INPP4B: variants seen among roughly 807,000 people sequenced by gnomAD.
INPP4B encodes inositol polyphosphate-4-phosphatase type II B, also known as inositol polyphosphate 4-phosphatase type II.
A neutral mutation model predicts 122.5 loss-of-function variants in INPP4B; 55 were observed. The observed-to-expected ratio is 0.45, with a 90% CI of 0.36 to 0.56. INPP4B has a LOEUF of 0.56. Ranked by LOEUF, INPP4B falls within the 20% of genes least tolerant of loss-of-function variation. The probability of loss-of-function intolerance (pLI) is 0.00; values close to 1 mark genes in which losing one functional copy is unlikely to be tolerated. For synonymous variants in INPP4B, 403 were observed against 388.7 expected (o/e 1.04, Z -0.43); for missense variants, 1,000 against 1,097.7 (o/e 0.91, Z 1.26).
At chr4:142,246,403 TG>T (rs1183218274) in intron 11 of INPP4B, among the ~76,000 whole-genome samples, 1 of 152,186 alleles carries the variant, frequency 6.6e-6, no homozygotes, top group East Asian at 1.9e-4. Flanking sequence ...GCCACTTTCA[TG>T]ATATTAATTC....
chr4:142,123,906 A>T (rs1797620721), intron 19 of INPP4B, among the ~76,000 whole-genome samples: 1 of 152,122 alleles, frequency 6.6e-6, no homozygotes, highest in Non-Finnish European at 1.5e-5. Context: ...TGGTTAAAAT[A>T]TTCCCTTTTC....
rs36028457 is a variant in INPP4B at position 142,124,700 on chromosome 4, A to G, written c.1781T>C (p.Val594Ala). ...ILTLKDCMGE[V>A]VNRAKQSLTF... is the part of the protein sequence containing the mutation. ...CAGGGACTGCTTGGCTCGGTTCACC[A>G]CTTCTCCCATGCAGTCCTTCAGGGT... The change falls in exon 19 of 26, where the codon GTG (valine) becomes GCG (alanine). Residue 594 changes from valine to alanine, a missense_variant. Physicochemically the swap from Val to Ala is moderately conservative, Grantham distance 64. Transcript: ENST00000262992. 8,493 of 1,612,052 alleles carry G rather than the reference A, an allele frequency of 5.3e-3. 33 individuals are homozygous for G. Among genetic ancestry groups the G allele is most frequent in the Non-Finnish European group, 5.7e-3 (6,736 of 1,178,664 alleles).
intron 2 of INPP4B, among the ~76,000 whole-genome samples, chr4:142,523,453 C>T (rs1826371126): frequency 6.6e-6 from 1 of 151,984 alleles, no homozygotes; most frequent in Admixed American, 6.6e-5. Context: ...TACTTGCTTT[C>T]AGTTATAGGT....
chr4:142,296,068 G>A lies in INPP4B; in HGVS notation c.503+9390C>T, dbSNP rs578240763. Among the ~76,000 whole-genome samples, 13 of 108,414 alleles carry A rather than the reference G, an allele frequency of 1.2e-4. No homozygotes were observed. The South Asian group carries it at 1.5e-3, about 13-fold the overall frequency. The allele number at this position is 108,414 out of a possible 152,430, so 71.1% of individuals were successfully genotyped here. On this transcript the variant is annotated intron_variant, in intron 9 of 25. Coordinates refer to ENST00000262992, the MANE Select transcript of INPP4B (RefSeq NM_001101669.3). ...CTTTGTGTACAGATATTAACTTTAC[G>A]TGATTTGCATTTTAAAAAAGGAAAG...
chr4:142,202,215 A>T (rs73850818), intron 14 of INPP4B, among the ~76,000 whole-genome samples: 7,690 of 152,098 alleles, frequency 0.051, 415 homozygotes, highest in East Asian at 0.2. Context: ...GCTGCCTTGT[A>T]GCCTTTTAAA....
chr4:142,335,586 T>C (rs1776308070), intron 7 of INPP4B, among the ~76,000 whole-genome samples: 1 of 152,172 alleles, frequency 6.6e-6, no homozygotes, highest in African/African-American at 2.4e-5. Flanking sequence ...TTAAATTACT[T>C]ACAGCTAGAT....
chr4:142,128,869 A>C (rs1799924927), intron 18 of INPP4B, among the ~76,000 whole-genome samples: 1 of 152,184 alleles, frequency 6.6e-6, no homozygotes, highest in South Asian at 2.1e-4. Context: ...CAGGAGAAAA[A>C]TAAAAGAGCC....
intron 6 of INPP4B, among the ~76,000 whole-genome samples, chr4:142,403,960 G>A (rs190970765): frequency 2.0e-4 from 30 of 152,180 alleles, no homozygotes; most frequent in Middle Eastern, 6.8e-3. Flanking sequence ...TATAATATGT[G>A]TATTTTATCA....
At chr4:142,786,595 A>G (rs1335749047) in intron 1 of INPP4B, among the ~76,000 whole-genome samples, 1 of 152,128 alleles carries the variant, frequency 6.6e-6, no homozygotes, top group Non-Finnish European at 1.5e-5. Flanking sequence ...GAGAGAGAGA[A>G]AAAGTAACTG....
chr4:142,633,047 A>T (rs1191260549), intron 2 of INPP4B, among the ~76,000 whole-genome samples: 1 of 151,984 alleles, frequency 6.6e-6, no homozygotes, highest in Non-Finnish European at 1.5e-5. Context: ...AAAGCAAAAG[A>T]AGGGAAATAT....
intron 1 of INPP4B, chr4:142,795,533 G>T (rs1777120605): frequency 6.6e-6 from 1 of 151,960 alleles, no homozygotes; most frequent in Non-Finnish European, 1.5e-5. Context: ...TCCTCTTAAT[G>T]TCCTTGGGCT....
At chr4:142,770,847 C>T (rs762202559) in intron 1 of INPP4B, among the ~76,000 whole-genome samples, 1 of 152,066 alleles carries the variant, frequency 6.6e-6, no homozygotes, top group African/African-American at 2.4e-5. Flanking sequence ...TAGAGAGCTA[C>T]AAGACAGGGC....
At chr4:142,530,510 T>C (rs1827464290) in intron 2 of INPP4B, among the ~76,000 whole-genome samples, 1 of 150,592 alleles carries the variant, frequency 6.6e-6, no homozygotes, top group South Asian at 2.1e-4. Flanking sequence ...CAAATATACA[T>C]GCATATATTA....
intron 1 of INPP4B, among the ~76,000 whole-genome samples, chr4:142,833,084 A>G (rs906046092): frequency 6.6e-6 from 1 of 151,926 alleles, no homozygotes; most frequent in Admixed American, 6.6e-5. Context: ...GGAAGACTCA[A>G]GTTTTTTTAG....
chr4:142,526,506 G>A (rs945612029), intron 2 of INPP4B, among the ~76,000 whole-genome samples: 2 of 151,948 alleles, frequency 1.3e-5, no homozygotes, highest in Admixed American at 6.6e-5. Flanking sequence ...AGCTGTAAAG[G>A]ATCAGTTGAG....
chr4:142,466,250 G>A (rs1181423987), intron 2 of INPP4B, among the ~76,000 whole-genome samples: 1 of 152,160 alleles, frequency 6.6e-6, no homozygotes, highest in Non-Finnish European at 1.5e-5. Flanking sequence ...GATACAGACA[G>A]TGATGTCCAG....
intron 21 of INPP4B, among the ~76,000 whole-genome samples, chr4:142,114,802 T>C (rs62328208): frequency 0.01 from 1,557 of 152,200 alleles, 20 homozygotes; most frequent in Admixed American, 0.015. Flanking sequence ...TCTTCTTTTA[T>C]GGGTCTTGAT....
At chr4:142,320,355 A>T (rs1299938959) in intron 7 of INPP4B, among the ~76,000 whole-genome samples, 2 of 152,204 alleles carry the variant, frequency 1.3e-5, no homozygotes, top group Admixed American at 1.3e-4. Flanking sequence ...AGGATTATGC[A>T]GGGATGCTAC....
chr4:142,738,089 C>G (rs1228796101), intron 1 of INPP4B, among the ~76,000 whole-genome samples: 1 of 152,256 alleles, frequency 6.6e-6, no homozygotes, highest in Non-Finnish European at 1.5e-5. Flanking sequence ...TACCATTTGA[C>G]CCAGCCATCC....
Sources: allele counts gnomAD v4.1 joint callset (sites outside exome capture counted in the v4.1 genomes callset), GRCh38; gene constraint gnomAD v4.1.1; transcripts MANE v1.5; gene names NCBI Gene and HGNC (gene_info 2026-07-23, HGNC 2026-07-21).